Variants in HTR2C observed in about 807,000 individuals in gnomAD.
HTR2C encodes 5-hydroxytryptamine receptor 2C, also known as 5-hydroxytryptamine (serotonin) receptor 2C, G protein-coupled.
Under a neutral mutation model 21.0 loss-of-function variants are expected in HTR2C, and 5 were observed. That is an observed-to-expected ratio of 0.24 (90% confidence interval 0.12 to 0.50). The LOEUF (loss-of-function observed/expected upper bound fraction) is 0.50. Among genes scored for constraint, HTR2C ranks in the 20% least tolerant of loss-of-function variants. The pLI, the probability that HTR2C is intolerant of heterozygous loss-of-function variation, is 0.98. For synonymous variants in HTR2C, 150 were observed against 145.3 expected (o/e 1.03, Z -0.23); for missense variants, 271 against 371.2 (o/e 0.73, Z 2.22).
chrX:114,792,555 A>C (rs1289534772), intron 4 of HTR2C, among the ~76,000 whole-genome samples: 2 of 111,620 alleles, frequency 1.8e-5, no homozygotes, highest in Admixed American at 1.9e-4. Flanking sequence ...TGTCTTTGGT[A>C]TTGTGAATAG....
At chrX:114,623,536 G>T (rs1929246362) in intron 2 of HTR2C, among the ~76,000 whole-genome samples, 1 of 111,896 alleles carries the variant, frequency 8.9e-6, no homozygotes, top group Non-Finnish European at 1.9e-5. Flanking sequence ...TTTATTTTTA[G>T]ATGAGGCTAT....
intron 2 of HTR2C, among the ~76,000 whole-genome samples, chrX:114,698,001 C>T (rs1035109147): frequency 1.4e-4 from 16 of 111,662 alleles, no homozygotes; most frequent in African/African-American, 5.2e-4. Context: ...AAGTCAATAG[C>T]GGACTCAGTT....
chrX:114,834,861 G>A (rs1169663714), intron 4 of HTR2C, among the ~76,000 whole-genome samples: 1 of 109,510 alleles, frequency 9.1e-6, no homozygotes, highest in Non-Finnish European at 1.9e-5. Flanking sequence ...TCCTTTCCAT[G>A]TTTAGCGCTT....
chrX:114,891,622 G>A (rs1193390694), intron 5 of HTR2C, among the ~76,000 whole-genome samples: 1 of 110,082 alleles, frequency 9.1e-6, no homozygotes, highest in Non-Finnish European at 1.9e-5. Context: ...ATTTAGGATA[G>A]GTTGGAGAAT....
intron 1 of HTR2C, among the ~76,000 whole-genome samples, chrX:114,589,342 G>A (rs1203084845): frequency 9.0e-6 from 1 of 111,491 alleles, no homozygotes; most frequent in South Asian, 3.8e-4. Flanking sequence ...GCTCAGGGGA[G>A]TTACAGAGAT....
At chrX:114,595,180 C>T (rs1556392256) in intron 1 of HTR2C, among the ~76,000 whole-genome samples, 1 of 111,412 alleles carries the variant, frequency 9.0e-6, no homozygotes, top group Admixed American at 9.6e-5. Flanking sequence ...ATTCTACAGC[C>T]AGATTCAAAC....
intron 4 of HTR2C, among the ~76,000 whole-genome samples, chrX:114,834,310 C>T: frequency 9.4e-6 from 1 of 106,426 alleles, no homozygotes; most frequent in Non-Finnish European, 1.9e-5. Flanking sequence ...GTGTTAAAGT[C>T]TCCCATTATT....
At chrX:114,747,334 A>T (rs1290202879) in intron 4 of HTR2C, among the ~76,000 whole-genome samples, 1 of 112,418 alleles carries the variant, frequency 8.9e-6, no homozygotes, top group African/African-American at 3.2e-5. Flanking sequence ...TAAGATCAGG[A>T]TATCCACTTT....
chrX:114,823,293 G>T (rs1446915506), intron 4 of HTR2C, among the ~76,000 whole-genome samples: 1 of 111,418 alleles, frequency 9.0e-6, no homozygotes, highest in Non-Finnish European at 1.9e-5. Flanking sequence ...ACAAGCTTTT[G>T]GATCATTTAG....
chrX:114,858,086 A>G (rs192798891), intron 5 of HTR2C, among the ~76,000 whole-genome samples: 8 of 111,173 alleles, frequency 7.2e-5, no homozygotes, highest in African/African-American at 2.3e-4. Context: ...TACTAGTATT[A>G]CAATGTCCTA....
At chrX:114,814,903 A>G (rs1276606203) in intron 4 of HTR2C, among the ~76,000 whole-genome samples, 1 of 102,536 alleles carries the variant, frequency 9.8e-6, no homozygotes, top group Non-Finnish European at 2.0e-5. Context: ...ATAATATTAT[A>G]TAGTATATAT....
chrX:114,785,503 C>T (rs2070165889), intron 4 of HTR2C, among the ~76,000 whole-genome samples: 1 of 111,555 alleles, frequency 9.0e-6, no homozygotes, highest in African/African-American at 3.3e-5. Flanking sequence ...AGTGTATTTA[C>T]AGCTTTAACA....
intron 2 of HTR2C, among the ~76,000 whole-genome samples, chrX:114,632,223 A>T (rs1556404427): frequency 8.9e-6 from 1 of 111,976 alleles, no homozygotes; most frequent in Non-Finnish European, 1.9e-5. Context: ...AATCCAGGAT[A>T]AGGTAAGTAA....
chrX:114,711,721 A>T (rs1156275512), intron 2 of HTR2C, among the ~76,000 whole-genome samples: 4 of 112,144 alleles, frequency 3.6e-5, no homozygotes, highest in Non-Finnish European at 7.5e-5. Flanking sequence ...GCCATTTATC[A>T]GAAAAAATAG....
chrX:114,690,279 G>T (rs1932067741), intron 2 of HTR2C, among the ~76,000 whole-genome samples: 1 of 111,382 alleles, frequency 9.0e-6, no homozygotes, highest in Non-Finnish European at 1.9e-5. Context: ...CTCCAAGTAG[G>T]GGGCAAGAAT....
At position 114,698,096 on chromosome X, in the gene HTR2C, T is replaced by G. The variant is rs113756338; in HGVS notation, c.-79-28762T>G. Among the ~76,000 whole-genome samples the G allele has an allele frequency of 4.2e-3, 470 of 112,358 alleles. 4 individuals carry two copies. Among genetic ancestry groups the G allele is most frequent in the African/African-American group, 0.014 (444 of 30,935 alleles). On this transcript the variant is annotated intron_variant, in intron 2 of 5. Transcript: ENST00000276198. ...CTCTGCTCCTACAGGCAACCCACAT[T>G]TCTTCTAACGAGGCCCTTTCCATGG...
At chrX:114,747,777 C>T (rs1018355691) in intron 4 of HTR2C, among the ~76,000 whole-genome samples, 1 of 112,435 alleles carries the variant, frequency 8.9e-6, no homozygotes, top group Non-Finnish European at 1.9e-5. Context: ...AGAGAAGCCT[C>T]CCACATCCAA....
intron 2 of HTR2C, among the ~76,000 whole-genome samples, chrX:114,641,055 T>TTC (rs1556406339): frequency 5.5e-4 from 56 of 101,444 alleles, no homozygotes; most frequent in African/African-American, 1.9e-3. Context: ...TTTCTTTCTT[T>TTC]TTTTCTTTTC....
intron 4 of HTR2C, among the ~76,000 whole-genome samples, chrX:114,768,439 A>G (rs1333963559): frequency 9.0e-6 from 1 of 111,369 alleles, no homozygotes; most frequent in East Asian, 2.8e-4. Flanking sequence ...GATATTATGC[A>G]TATAAAAATG....
Sources: allele counts gnomAD v4.1 joint callset (sites outside exome capture counted in the v4.1 genomes callset), GRCh38; gene constraint gnomAD v4.1.1; transcripts MANE v1.5; gene names NCBI Gene and HGNC (gene_info 2026-07-23, HGNC 2026-07-21).